The following LRRC4C variants were observed in gnomAD, a reference collection of about 807,000 sequenced individuals.
LRRC4C encodes leucine rich repeat containing 4C.
Under a neutral mutation model 33.6 loss-of-function variants are expected in LRRC4C, and 5 were observed. That is an observed-to-expected ratio of 0.15 (90% CI 0.08 to 0.31). The LOEUF is 0.31. Ranked by LOEUF, LRRC4C falls within the 10% of genes least tolerant of loss-of-function variation. The probability of loss-of-function intolerance (pLI) is 1.00; values close to 1 mark genes in which losing one functional copy is unlikely to be tolerated. For synonymous variants in LRRC4C, 329 were observed against 302.0 expected, an observed-to-expected ratio of 1.09 and a Z score of -0.93; for missense variants, 560 against 796.7, an observed-to-expected ratio of 0.70 and a Z score of 3.58.
At chr11:40,465,152 G>A (rs534148395) in intron 3 of LRRC4C, among the ~76,000 whole-genome samples, 37 of 151,896 alleles carry the variant, frequency 2.4e-4, no homozygotes, top group African/African-American at 8.9e-4. Context: ...CAGAAATCAA[G>A]CCTCATACCT....
intron 1 of LRRC4C, among the ~76,000 whole-genome samples, chr11:40,957,932 A>T (rs1265348842): frequency 6.6e-6 from 1 of 151,602 alleles, no homozygotes; most frequent in Admixed American, 6.6e-5. Flanking sequence ...AAATGTTGAA[A>T]TCCTAATCCC....
chr11:40,277,596 T>C (rs1943202850), intron 4 of LRRC4C, among the ~76,000 whole-genome samples: 1 of 152,092 alleles, frequency 6.6e-6, no homozygotes, highest in Non-Finnish European at 1.5e-5. Context: ...TAGTAGTAAG[T>C]AGTCCCATGT....
chr11:40,692,297 TG>T (rs896211994), intron 2 of LRRC4C, among the ~76,000 whole-genome samples: 29 of 150,302 alleles, frequency 1.9e-4, no homozygotes, highest in African/African-American at 6.8e-4. Flanking sequence ...AGGGGTGAGG[TG>T]GGGGGGATGG....
At chr11:40,733,131 C>CA (rs1947687538) in intron 2 of LRRC4C, among the ~76,000 whole-genome samples, 3 of 114,910 alleles carry the variant, frequency 2.6e-5, no homozygotes, top group Admixed American at 1.3e-4. Flanking sequence ...GCTGGAGTAG[C>CA]GTGGCGAGAT....
intron 3 of LRRC4C, among the ~76,000 whole-genome samples, chr11:40,642,955 C>T (rs1057406445): frequency 1.3e-5 from 2 of 151,994 alleles, no homozygotes; most frequent in African/African-American, 4.8e-5. Context: ...AACTTTTTTC[C>T]TTCCTATTTA....
intron 5 of LRRC4C, among the ~76,000 whole-genome samples, chr11:40,187,622 C>T (rs73453893): frequency 0.043 from 6,517 of 152,006 alleles, 209 homozygotes; most frequent in African/African-American, 0.093. Flanking sequence ...GTGGTATACA[C>T]GCAAGGGCAA....
intron 2 of LRRC4C, among the ~76,000 whole-genome samples, chr11:40,761,378 T>C (rs1169554006): frequency 1.3e-5 from 2 of 152,180 alleles, no homozygotes; most frequent in Admixed American, 6.6e-5. Context: ...AAGCTTGTTA[T>C]GAGCTGTTTC....
rs1445568169 is a variant in LRRC4C, at chr11:41,341,179, T to TGGG, written c.-496+118251_-496+118252insCCC. The stretch of plus-strand genomic sequence containing the variant: ...TAGTGTGTTAGGTGAGGATGTTACT[T>TGGG]AAGAAAACAAGTACCAGAGAAAAAG... On this transcript the variant is annotated intron_variant, in intron 1 of 6. Transcript: ENST00000528697. 1.5e-3 allele frequency among the ~76,000 whole-genome samples: 228 copies of TGGG among 151,964 alleles called. 6 individuals carry two copies. Among genetic ancestry groups the TGGG allele is most frequent in the Non-Finnish European group, 4.7e-4 (32 of 67,984 alleles).
At chr11:40,766,453 A>G (rs985576446) in intron 2 of LRRC4C, among the ~76,000 whole-genome samples, 2 of 151,618 alleles carry the variant, frequency 1.3e-5, no homozygotes, top group Non-Finnish European at 2.9e-5. Flanking sequence ...AGACAAATAC[A>G]GAATACTATA....
At chr11:40,349,432 A>G (rs1289180848) in intron 3 of LRRC4C, among the ~76,000 whole-genome samples, 1 of 151,778 alleles carries the variant, frequency 6.6e-6, no homozygotes, top group Non-Finnish European at 1.5e-5. Flanking sequence ...ATAGTACTCT[A>G]TTGTGTATAT....
At chr11:41,258,940 TTTTTGCTGGGG>T (rs1948888599) in intron 1 of LRRC4C, among the ~76,000 whole-genome samples, 1 of 152,152 alleles carries the variant, frequency 6.6e-6, no homozygotes, top group South Asian at 2.1e-4. Context: ...TACTTCCCAC[TTTTTGCTGGGG>T]GTTGTAAATT....
At chr11:40,974,151 T>C (rs1387567767) in intron 1 of LRRC4C, among the ~76,000 whole-genome samples, 2 of 152,216 alleles carry the variant, frequency 1.3e-5, no homozygotes, top group African/African-American at 4.8e-5. Flanking sequence ...ACAGGGTAAT[T>C]TGAGAGTCTT....
intron 2 of LRRC4C, among the ~76,000 whole-genome samples, chr11:40,725,319 A>G (rs1426267325): frequency 1.3e-5 from 2 of 152,152 alleles, no homozygotes. Flanking sequence ...ATCCTGGCCA[A>G]CATAGTGAAA....
intron 3 of LRRC4C, among the ~76,000 whole-genome samples, chr11:40,523,729 T>G (rs1289305523): frequency 6.6e-6 from 1 of 152,036 alleles, no homozygotes; most frequent in Non-Finnish European, 1.5e-5. Flanking sequence ...GGACTCTTCT[T>G]TCTTGTCTTT....
intron 5 of LRRC4C, among the ~76,000 whole-genome samples, chr11:40,177,444 CTTT>C (rs1860600979): frequency 6.6e-6 from 1 of 152,120 alleles, no homozygotes; most frequent in South Asian, 2.1e-4. Context: ...CTCCTACCTT[CTTT>C]ATCTTTAGCT....
At chr11:41,015,017 A>C (rs114503851) in intron 1 of LRRC4C, among the ~76,000 whole-genome samples, 2,231 of 152,320 alleles carry the variant, frequency 0.015, 56 homozygotes, top group African/African-American at 0.051. Context: ...AAGAAATTTT[A>C]AATGACTTAG....
At chr11:40,828,698 A>G (rs1316683345) in intron 2 of LRRC4C, among the ~76,000 whole-genome samples, 1 of 151,748 alleles carries the variant, frequency 6.6e-6, no homozygotes, top group Non-Finnish European at 1.5e-5. Context: ...CTCCTTGTCT[A>G]GCCTAGATCA....
chr11:40,127,612 A>G (rs1366745518), intron 6 of LRRC4C, among the ~76,000 whole-genome samples: 2 of 152,200 alleles, frequency 1.3e-5, no homozygotes, highest in East Asian at 3.8e-4. Flanking sequence ...TTGTCCCTAA[A>G]GGAAATTGCA....
At chr11:41,035,901 C>A (rs1044137320) in intron 1 of LRRC4C, among the ~76,000 whole-genome samples, 4 of 151,786 alleles carry the variant, frequency 2.6e-5, no homozygotes, top group African/African-American at 9.7e-5. Flanking sequence ...AAAATATTTA[C>A]CAGTTAAGAG....
Sources: allele counts gnomAD v4.1 joint callset (sites outside exome capture counted in the v4.1 genomes callset), GRCh38; gene constraint gnomAD v4.1.1; transcripts MANE v1.5; gene names NCBI Gene and HGNC (gene_info 2026-07-23, HGNC 2026-07-21).